The following HHIP variants were observed in gnomAD, a reference collection of about 807,000 sequenced individuals.
HHIP encodes the protein hedgehog interacting protein.
A neutral mutation model predicts 74.0 loss-of-function variants in HHIP; 12 were observed. The observed-to-expected ratio is 0.16, with a 90% CI of 0.10 to 0.26. The LOEUF (loss-of-function observed/expected upper bound fraction) is 0.26. Among genes scored for constraint, HHIP ranks in the 10% least tolerant of loss-of-function variants. HHIP has a pLI of 1.00. For missense variants in HHIP, 788 were observed against 845.0 expected, an observed-to-expected ratio of 0.93 and a Z score of 0.84; for synonymous variants, 309 against 311.6, an observed-to-expected ratio of 0.99 and a Z score of 0.09.
At chr4:144,728,171 T>A (rs913880521) in intron 11 of HHIP, among the ~76,000 whole-genome samples, 1 of 152,218 alleles carries the variant, frequency 6.6e-6, no homozygotes, top group Non-Finnish European at 1.5e-5. Flanking sequence ...CTCGATTCAC[T>A]AAGTTACTAC....
intron 2 of HHIP, among the ~76,000 whole-genome samples, chr4:144,656,843 T>C (rs559772976): frequency 3.5e-4 from 54 of 152,146 alleles, no homozygotes; most frequent in Non-Finnish European, 4.4e-4. Context: ...TTAACACTAT[T>C]AGGCAGTTTT....
chr4:144,710,399 C>G (rs1730260129), intron 7 of HHIP, among the ~76,000 whole-genome samples: 1 of 152,138 alleles, frequency 6.6e-6, no homozygotes, highest in Non-Finnish European at 1.5e-5. Context: ...ACAACTAACC[C>G]ATCTTTGGCA....
chr4:144,700,212 A>G (rs894519760), intron 4 of HHIP, among the ~76,000 whole-genome samples: 16 of 152,200 alleles, frequency 1.1e-4, no homozygotes, highest in Non-Finnish European at 2.1e-4. Flanking sequence ...CAATACTGAC[A>G]GCTATGAGAA....
intron 4 of HHIP, among the ~76,000 whole-genome samples, chr4:144,664,322 G>A (rs1327707434): frequency 2.6e-5 from 4 of 152,226 alleles, no homozygotes; most frequent in African/African-American, 7.2e-5. Context: ...AGCATGTGGA[G>A]GAGGATGCAG....
At chr4:144,659,397 A>G (rs907556893) in intron 3 of HHIP, among the ~76,000 whole-genome samples, 5 of 152,224 alleles carry the variant, frequency 3.3e-5, no homozygotes, top group African/African-American at 9.6e-5. Context: ...ATTTGAAAAT[A>G]TATACATGTT....
intron 4 of HHIP, 134 bp from the exon 5 acceptor site, chr4:144,706,389 TGCAGTAGG>T: frequency 1.6e-6 from 1 of 625,738 alleles, no homozygotes; most frequent in Non-Finnish European, 2.7e-6. Context: ...TCCTTTTTTG[TGCAGTAGG>T]CAAGGAAGAA....
chr4:144,706,470 T>C (rs1730147954), intron 4 of HHIP, 61 bp from the exon 5 acceptor site: 1 of 1,362,574 alleles, frequency 7.3e-7, no homozygotes, highest in Non-Finnish European at 9.8e-7. Context: ...GGGTTCCAGT[T>C]GAAACACAAT....
intron 4 of HHIP, chr4:144,660,110 A>G (rs1728670747): frequency 1.9e-6 from 1 of 520,804 alleles, no homozygotes; most frequent in African/African-American, 1.9e-5. Context: ...CTTTGGCTTT[A>G]TAAAGTATTG....
At chr4:144,677,591 C>T (rs559968096) in intron 4 of HHIP, among the ~76,000 whole-genome samples, 1 of 152,244 alleles carries the variant, frequency 6.6e-6, no homozygotes, top group East Asian at 1.9e-4. Flanking sequence ...GGGTACCACC[C>T]CAAGGGGAAA....
intron 2 of HHIP, among the ~76,000 whole-genome samples, chr4:144,653,038 CT>C (rs1286638384): frequency 6.6e-6 from 1 of 152,022 alleles, no homozygotes; most frequent in Non-Finnish European, 1.5e-5. Flanking sequence ...TCTTGTTAAG[CT>C]GGTAATAACA....
In HHIP at chr4:144,731,325, A is replaced by G. The variant is rs529935238; in HGVS notation, c.1761-3416A>G. Among the ~76,000 whole-genome samples the G allele has an allele frequency of 2.0e-5, 3 of 152,316 alleles. No individual in the cohort carries two copies. The East Asian group carries it at 5.8e-4, about 29-fold the overall frequency. The stretch of plus-strand genomic sequence containing the variant: ...TTCTTCTAGGTCCTGGGGAGCCACA[A>G]GAGATGAGAGGAAGTGTTTGTCCTC... On this transcript the variant is annotated intron_variant, in intron 11 of 12. Transcript: ENST00000296575.
chr4:144,699,861 G>A (rs1384334307), intron 4 of HHIP, among the ~76,000 whole-genome samples: 1 of 151,960 alleles, frequency 6.6e-6, no homozygotes, highest in Non-Finnish European at 1.5e-5. Context: ...TAGACTTTTG[G>A]AACTATTGAA....
In HHIP at chr4:144,742,876, TTA is replaced by T. The variant is rs1560728936; in HGVS notation, c.*4927_*4928del. 1 of 61,712 alleles carries T rather than the reference TTA, an allele frequency of 1.6e-5. No homozygotes were observed. The highest frequency in any genetic ancestry group is 7.1e-4 in the South Asian group (1 of 1,410). The allele number at this position is 61,712 out of a possible 1,614,324, so 3.8% of individuals were successfully genotyped here. On this transcript the variant is annotated 3_prime_UTR_variant, in exon 13 of 13. Transcript: ENST00000296575. ...ATATATATCTTATATATATATCTTTTTATATATATCTTATATATATATCTTTT... is the reference window on the plus strand; with the variant it reads ...ATATATATCTTATATATATATCTTTTTATATATCTTATATATATATCTTTT...
intron 2 of HHIP, among the ~76,000 whole-genome samples, chr4:144,653,505 T>C (rs1728480028): frequency 1.3e-5 from 2 of 152,170 alleles, no homozygotes; most frequent in Admixed American, 1.3e-4. Context: ...ATATATTCAT[T>C]GATTAATTTT....
chr4:144,733,345 G>A (rs7692915), intron 11 of HHIP, among the ~76,000 whole-genome samples: 3 of 151,950 alleles, frequency 2.0e-5, no homozygotes, highest in African/African-American at 4.8e-5. Flanking sequence ...TAGCACTTTC[G>A]ACATAGAGTG....
chr4:144,673,255 T>G (rs1245041722), intron 4 of HHIP, among the ~76,000 whole-genome samples: 2 of 152,226 alleles, frequency 1.3e-5, no homozygotes, highest in Non-Finnish European at 2.9e-5. Context: ...ATATTGCAAA[T>G]TTTTTCCTAT....
intron 4 of HHIP, among the ~76,000 whole-genome samples, chr4:144,699,941 TAC>T (rs1447733949): frequency 6.6e-6 from 1 of 152,174 alleles, no homozygotes; most frequent in Non-Finnish European, 1.5e-5. Context: ...TCACAGCTTA[TAC>T]ACACAGCAAA....
intron 4 of HHIP, among the ~76,000 whole-genome samples, chr4:144,677,514 T>C (rs1276151454): frequency 6.6e-6 from 1 of 152,100 alleles, no homozygotes; most frequent in African/African-American, 2.4e-5. Context: ...CTGGGGCCAC[T>C]CATGGGTCCC....
chr4:144,666,255 G>A (rs1728859118), intron 4 of HHIP, among the ~76,000 whole-genome samples: 1 of 2,242 alleles, frequency 4.5e-4, no homozygotes, highest in Non-Finnish European at 6.0e-3. Flanking sequence ...AGTCGTGTGT[G>A]TGTGTGTGTG....
Sources: allele counts gnomAD v4.1 joint callset (sites outside exome capture counted in the v4.1 genomes callset), GRCh38; gene constraint gnomAD v4.1.1; transcripts MANE v1.5; gene names NCBI Gene and HGNC (gene_info 2026-07-23, HGNC 2026-07-21).